The following KCNMA1 variants were observed in gnomAD, a reference collection of about 807,000 sequenced individuals.
KCNMA1 encodes the protein Calcium-activated potassium channel subunit alpha-1.
KCNMA1 carries 29 observed loss-of-function variants against 140.0 expected under a neutral mutation model. The ratio of observed to expected loss-of-function variants is 0.21; its 90% CI spans 0.15 to 0.28. The LOEUF is 0.28. Among genes scored for constraint, KCNMA1 ranks in the 10% least tolerant of loss-of-function variants. KCNMA1 has a pLI of 1.00. For synonymous variants in KCNMA1, 612 were observed against 611.9 expected, an observed-to-expected ratio of 1.00 and a Z score of 0.00; for missense variants, 880 against 1,602.2, an observed-to-expected ratio of 0.55 and a Z score of 7.70.
intron 23 of KCNMA1, among the ~76,000 whole-genome samples, chr10:76,934,002 T>TCA (rs1350693613): frequency 1.3e-5 from 2 of 152,284 alleles, no homozygotes; most frequent in East Asian, 3.9e-4. Flanking sequence ...AGATGGGATC[T>TCA]CACTCTGTTA....
chr10:77,375,911 T>A (rs2095068907), intron 2 of KCNMA1, among the ~76,000 whole-genome samples: 1 of 152,206 alleles, frequency 6.6e-6, no homozygotes, highest in Non-Finnish European at 1.5e-5. Flanking sequence ...GCATCACGAC[T>A]CAACCTCTGC....
At chr10:77,241,870 T>C (rs1451851168) in intron 3 of KCNMA1, among the ~76,000 whole-genome samples, 2 of 152,202 alleles carry the variant, frequency 1.3e-5, no homozygotes, top group Admixed American at 6.5e-5. Context: ...ATATTCATTC[T>C]TATACCAATG....
intron 2 of KCNMA1, among the ~76,000 whole-genome samples, chr10:77,358,326 A>G (rs1231003468): frequency 6.6e-6 from 1 of 152,174 alleles, no homozygotes; most frequent in African/African-American, 2.4e-5. Context: ...ATAAGCCTAC[A>G]TGGTAAAGAG....
intron 23 of KCNMA1, among the ~76,000 whole-genome samples, chr10:76,941,684 C>T (rs769347727): frequency 2.6e-5 from 4 of 152,200 alleles, no homozygotes; most frequent in Admixed American, 2.0e-4. Context: ...CTCTCCACTG[C>T]TGACCAGGGG....
At chr10:76,979,377 A>G (rs772674764) in intron 19 of KCNMA1, 8 of 152,226 alleles carry the variant, frequency 5.3e-5, no homozygotes, top group Admixed American at 1.3e-4. Flanking sequence ...TCCCACATCA[A>G]ATCCTCCTGG....
At chr10:76,978,847 A>T (rs1052654045) in intron 19 of KCNMA1, among the ~76,000 whole-genome samples, 2 of 152,214 alleles carry the variant, frequency 1.3e-5, no homozygotes, top group African/African-American at 4.8e-5. Flanking sequence ...TGAATTCAGT[A>T]CTTAAATGTC....
intron 5 of KCNMA1, among the ~76,000 whole-genome samples, chr10:77,143,629 T>C (rs906360349): frequency 1.3e-5 from 2 of 152,190 alleles, no homozygotes; most frequent in Admixed American, 6.5e-5. Flanking sequence ...AAGCTAAATC[T>C]GAAGCCTCTA....
intron 1 of KCNMA1, among the ~76,000 whole-genome samples, chr10:77,620,501 A>C (rs1185769437): frequency 6.6e-6 from 1 of 152,212 alleles, no homozygotes; most frequent in Non-Finnish European, 1.5e-5. Context: ...GCTGGCACTG[A>C]GCATTCTCTC....
intron 1 of KCNMA1, among the ~76,000 whole-genome samples, chr10:77,572,202 A>C (rs2071662492): frequency 6.6e-6 from 1 of 152,136 alleles, no homozygotes; most frequent in African/African-American, 2.4e-5. Context: ...TACCCTATAC[A>C]CACATGATGT....
chr10:77,325,326 G>A (rs561358717), intron 2 of KCNMA1, among the ~76,000 whole-genome samples: 2 of 152,122 alleles, frequency 1.3e-5, no homozygotes, highest in African/African-American at 2.4e-5. Flanking sequence ...AGCACTGGGC[G>A]TCGAGGAGAG....
intron 1 of KCNMA1, among the ~76,000 whole-genome samples, chr10:77,421,941 A>C (rs1242758469): frequency 6.6e-6 from 1 of 152,244 alleles, no homozygotes; most frequent in Non-Finnish European, 1.5e-5. Context: ...GTCTGATGGG[A>C]AACTCCATAC....
intron 18 of KCNMA1, 62 bp from the exon 19 acceptor site, chr10:77,001,642 C>T: frequency 7.3e-7 from 1 of 1,363,760 alleles, no homozygotes; most frequent in Non-Finnish European, 1.0e-6. Flanking sequence ...AGGTCACACA[C>T]AGCAAGGCAG....
intron 2 of KCNMA1, among the ~76,000 whole-genome samples, chr10:77,335,159 C>T (rs889245461): frequency 7.9e-5 from 12 of 152,174 alleles, no homozygotes; most frequent in South Asian, 4.1e-4. Flanking sequence ...CATCTTCCTC[C>T]TCCTCCCGTC....
At chr10:77,612,534 G>A (rs1288805974) in intron 1 of KCNMA1, among the ~76,000 whole-genome samples, 1 of 152,168 alleles carries the variant, frequency 6.6e-6, no homozygotes, top group African/African-American at 2.4e-5. Flanking sequence ...CTTGTGGTCG[G>A]CATCTCCTCA....
intron 9 of KCNMA1, among the ~76,000 whole-genome samples, chr10:77,096,406 G>A (rs935729968): frequency 3.3e-5 from 5 of 152,012 alleles, no homozygotes; most frequent in South Asian, 2.1e-4. Context: ...ATCTGCAATC[G>A]CTTCCTAACT....
chr10:76,954,357 T>G (rs2067400379), intron 20 of KCNMA1, among the ~76,000 whole-genome samples: 1 of 151,978 alleles, frequency 6.6e-6, no homozygotes, highest in African/African-American at 2.4e-5. Context: ...GAGGAAGGAA[T>G]AGGAATAGAG....
chr10:77,082,003 T>TTTC (rs2096586298), intron 12 of KCNMA1, among the ~76,000 whole-genome samples: 4 of 34,348 alleles, frequency 1.2e-4, no homozygotes, highest in African/African-American at 4.0e-4. Flanking sequence ...TCTTTTTTTC[T>TTTC]TTTCTTTTTT....
intron 1 of KCNMA1, among the ~76,000 whole-genome samples, chr10:77,405,960 C>T (rs2096458999): frequency 6.6e-6 from 1 of 152,168 alleles, no homozygotes; most frequent in Non-Finnish European, 1.5e-5. Context: ...GCCTGTGGCT[C>T]AGGGAAGCTG....
intron 1 of KCNMA1, among the ~76,000 whole-genome samples, chr10:77,624,165 T>C (rs2092089094): frequency 6.6e-6 from 1 of 152,218 alleles, no homozygotes; most frequent in South Asian, 2.1e-4. Flanking sequence ...AGGCTGCGTT[T>C]TGGGGCAAGT....
Sources: gnomAD v4.1 joint callset for allele counts (sites outside exome capture counted in the v4.1 genomes callset) on GRCh38, gnomAD v4.1.1 for gene constraint, MANE v1.5 for transcripts, NCBI Gene and HGNC (gene_info 2026-07-23, HGNC 2026-07-21) for gene names.